The following ZNF99 variants were observed in gnomAD, a reference collection of about 807,000 sequenced individuals.
ZNF99 encodes the protein zinc finger protein ENSP00000375192.
A neutral mutation model predicts 12.8 loss-of-function variants in ZNF99; 8 were observed. That is an observed-to-expected ratio of 0.62 (90% CI 0.37 to 1.13). The LOEUF (loss-of-function observed/expected upper bound fraction) is 1.13, where lower values mean the gene tolerates loss of function less well. Ranked by LOEUF, ZNF99 falls within the 50% of genes most tolerant of loss-of-function variation. The pLI is 0.02. For missense variants in ZNF99, 1,007 were observed against 1,006.2 expected, an observed-to-expected ratio of 1.00 and a Z score of -0.01; for synonymous variants, 318 against 319.0, an observed-to-expected ratio of 1.00 and a Z score of 0.03.
At chr19:22,779,754 C>T (rs1443497691) in intron 1 of ZNF99, among the ~76,000 whole-genome samples, 4 of 152,064 alleles carry the variant, frequency 2.6e-5, no homozygotes, top group Non-Finnish European at 5.9e-5. Context: ...ACCCTCCATT[C>T]GCCATCCCCT....
Position 22,756,242 on chromosome 19 carries a change from G to A in ZNF99, c.*1072C>T, listed in dbSNP as rs547128882. The A allele has an allele frequency of 3.6e-5, 55 of 1,541,754 alleles. 1 individual carries two copies. The highest frequency in any genetic ancestry group is 2.5e-5 in the East Asian group (1 of 40,678). ...CCCAGTATGAATTATCTTATGTTTA[G>A]TAAGGGCTGAAAGATGGTTAAAAGC... On this transcript the variant is annotated 3_prime_UTR_variant, in exon 4 of 4. Coordinates refer to ENST00000596209, the MANE Select transcript of ZNF99 (RefSeq NM_001080409.3).
rs1176452642 is a variant in ZNF99, at chr19:22,769,085, G to A, written c.130+113C>T. 209 of 1,109,580 alleles carry A rather than the reference G, an allele frequency of 1.9e-4. 2 individuals carry two copies. The highest frequency in any genetic ancestry group is 1.5e-3 in the South Asian group (95 of 64,140). 68.7% of individuals were successfully genotyped at this position (1,109,580 alleles called of 1,614,324 possible). On this transcript the variant is annotated intron_variant, in intron 2 of 3. Transcript: ENST00000596209. ...TTTCAAATCCCTGTTTTCAGAAAACGGGTATCTGAAACTTATTTATGCTAA... is the reference window on the plus strand; with the variant it reads ...TTTCAAATCCCTGTTTTCAGAAAACAGGTATCTGAAACTTATTTATGCTAA...
chr19:22,768,435 T>A, intron 2 of ZNF99, 35 bp from the exon 3 acceptor site: 1 of 1,544,050 alleles, frequency 6.5e-7, no homozygotes, highest in Non-Finnish European at 8.8e-7. Context: ...TAAATATTGC[T>A]CATATTCCCC....
Position 22,757,752 on chromosome 19 carries a change from A to C in ZNF99, c.2157T>G (p.Thr719=). Residue 719 remains threonine, a synonymous_variant, in exon 4 of 4, where the codon ACT becomes ACG. Coordinates refer to ENST00000596209, the MANE Select transcript of ZNF99 (RefSeq NM_001080409.3). ...ECGKAFSQSS[T]LRKHEIIHTG... is the part of the protein sequence containing the mutation. ...TATGAATTATCTCATGTTTTCTAAG[A>C]GTTGAGGACTGGCTAAAAGCTTTGC... The C allele has an allele frequency of 3.2e-6, 5 of 1,574,242 alleles. No individual in the cohort carries two copies. The highest frequency in any genetic ancestry group is 3.4e-6 in the Non-Finnish European group (4 of 1,163,996).
intron 1 of ZNF99, among the ~76,000 whole-genome samples, chr19:22,775,582 T>C (rs924900864): frequency 7.9e-5 from 12 of 152,264 alleles, no homozygotes; most frequent in Admixed American, 4.6e-4. Context: ...ATTAAATATC[T>C]TCTTCACAGC....
At chr19:22,768,632 C>G (rs1973230786) in intron 2 of ZNF99, among the ~76,000 whole-genome samples, 1 of 152,044 alleles carries the variant, frequency 6.6e-6, no homozygotes, top group Non-Finnish European at 1.5e-5. Flanking sequence ...GGTGTGGCAA[C>G]TACATTTTAT....
chr19:22,754,628 GT>G lies in ZNF99; in HGVS notation c.*2685del. ...AATGTGTGGTAAGATGTGAGAAATG[GT>G]TACAGTGTTTGCCACATTCTTCATA... On this transcript the variant is annotated 3_prime_UTR_variant, in exon 4 of 4. Coordinates refer to ENST00000596209, the MANE Select transcript of ZNF99 (RefSeq NM_001080409.3). 1 of 352,608 alleles carries G rather than the reference GT, an allele frequency of 2.8e-6. No individual in the cohort carries two copies. The highest frequency in any genetic ancestry group is 5.6e-6 in the Non-Finnish European group (1 of 178,378). The allele number at this position is 352,608 out of a possible 1,614,324, so 21.8% of individuals were successfully genotyped here.
At chr19:22,765,383 G>C (rs1973192908) in intron 3 of ZNF99, among the ~76,000 whole-genome samples, 1 of 152,112 alleles carries the variant, frequency 6.6e-6, no homozygotes, top group Middle Eastern at 3.4e-3. Context: ...AGAGTGCAGT[G>C]TATACAGCTC....
Position 22,753,688 on chromosome 19 carries a change from C to G in ZNF99, c.*3626G>C, listed in dbSNP as rs1973003443. ...GTTTATATTTTCTAAAAGATATTCT[C>G]ACAGTAATTGCATTTTTAATATTTG... On this transcript the variant is annotated 3_prime_UTR_variant, in exon 4 of 4. Coordinates refer to ENST00000596209, the MANE Select transcript of ZNF99 (RefSeq NM_001080409.3). 6.4e-6 allele frequency: 1 copy of G among 156,934 alleles called. No homozygotes were observed. The highest frequency in any genetic ancestry group is 2.4e-5 in the African/African-American group (1 of 41,492). The allele number at this position is 156,934 out of a possible 1,614,324, so 9.7% of individuals were successfully genotyped here. A position where few individuals can be genotyped will look rare whatever the true frequency, so the allele number is the denominator to read the frequency against.
At position 22,757,726 on chromosome 19, in the gene ZNF99, G is replaced by A; in HGVS notation, c.2183C>T (p.Thr728Ile). 1.2e-6 allele frequency: 2 copies of A among 1,612,126 alleles called. No homozygotes were observed. Among genetic ancestry groups the A allele is most frequent in the Non-Finnish European group, 1.7e-6 (2 of 1,179,652 alleles). Residue 728 changes from threonine (T) to isoleucine (I), a missense_variant, in exon 4 of 4, where the codon ACT becomes ATT. Coordinates refer to ENST00000596209, the MANE Select transcript of ZNF99 (RefSeq NM_001080409.3). ...STLRKHEIIHTGEKPYKCEEC... is the reference protein window; with the variant it reads ...STLRKHEIIHIGEKPYKCEEC... ...TTCACATTTGTAGGGTTTCTCTCCA[G>A]TATGAATTATCTCATGTTTTCTAAG...
chr19:22,766,677 G>A (rs1384351550), intron 3 of ZNF99, among the ~76,000 whole-genome samples: 6 of 147,180 alleles, frequency 4.1e-5, no homozygotes, highest in Admixed American at 2.7e-4. Flanking sequence ...TTGAGTCGGA[G>A]TTTCACTGTT....
chr19:22,762,376 T>C (rs1649762304), intron 3 of ZNF99, among the ~76,000 whole-genome samples: 1 of 152,088 alleles, frequency 6.6e-6, no homozygotes, highest in African/African-American at 2.4e-5. Flanking sequence ...GTGCACTAAC[T>C]AGAAAACCTA....
At chr19:22,783,086 C>G (rs1355960322) in intron 1 of ZNF99, among the ~76,000 whole-genome samples, 1 of 152,050 alleles carries the variant, frequency 6.6e-6, no homozygotes, top group Non-Finnish European at 1.5e-5. Context: ...TCGAGACCAG[C>G]CTGACCAAAA....
intron 3 of ZNF99, among the ~76,000 whole-genome samples, chr19:22,767,853 C>A (rs936350938): frequency 6.6e-6 from 1 of 152,022 alleles, no homozygotes; most frequent in Non-Finnish European, 1.5e-5. Flanking sequence ...AAGTATATGC[C>A]GGTATCTGTT....
rs1568386880 is a variant in ZNF99 at position 22,771,971 on chromosome 19, C to T, written c.4-2647G>A. On this transcript the variant is annotated intron_variant, in intron 1 of 3. Transcript: ENST00000596209. ...GACCTTGTGATCCGCCCGCCTCGGC[C>T]TCCCAAAGTGCTGGGATCACAGGCG... Among the ~76,000 whole-genome samples the T allele has an allele frequency of 5.3e-5, 8 of 150,320 alleles. No individual in the cohort carries two copies. The South Asian group carries it at 1.7e-3, about 32-fold the overall frequency.
intron 1 of ZNF99, among the ~76,000 whole-genome samples, chr19:22,783,097 C>T (rs1599452056): frequency 6.6e-6 from 1 of 151,944 alleles, no homozygotes; most frequent in South Asian, 2.1e-4. Context: ...CTGACCAAAA[C>T]GGAGAAACCT....
intron 1 of ZNF99, among the ~76,000 whole-genome samples, chr19:22,782,207 T>C (rs1460915496): frequency 6.6e-6 from 1 of 152,016 alleles, no homozygotes; most frequent in Non-Finnish European, 1.5e-5. Context: ...GCTGCAGGAA[T>C]TGGGGTTTGG....
intron 1 of ZNF99, 31 bp from the exon 2 acceptor site, chr19:22,769,355 T>A (rs1252637915): frequency 6.3e-7 from 1 of 1,584,202 alleles, no homozygotes; most frequent in Non-Finnish European, 8.6e-7. Context: ...ACATATAGAT[T>A]TCCCAATTGG....
intron 1 of ZNF99, among the ~76,000 whole-genome samples, chr19:22,778,298 C>T (rs986092983): frequency 1.3e-5 from 2 of 152,106 alleles, no homozygotes; most frequent in Admixed American, 1.3e-4. Context: ...CCTCCCATTC[C>T]TAGACACCCA....
Sources: gnomAD v4.1 joint callset for allele counts (sites outside exome capture counted in the v4.1 genomes callset) on GRCh38, gnomAD v4.1.1 for gene constraint, MANE v1.5 for transcripts, NCBI Gene and HGNC (gene_info 2026-07-23, HGNC 2026-07-21) for gene names.